Variants in RDX observed in about 807,000 individuals in gnomAD.
RDX encodes deafness, autosomal recessive 24.
A neutral mutation model predicts 83.7 loss-of-function variants in RDX; 32 were observed. The observed-to-expected ratio is 0.38, with a 90% CI of 0.29 to 0.51. RDX has a LOEUF of 0.51. Among genes scored for constraint, RDX ranks in the 20% least tolerant of loss-of-function variants. RDX has a pLI of 0.87. For synonymous variants in RDX, 229 were observed against 222.7 expected (o/e 1.03, Z -0.25); for missense variants, 600 against 689.9 (o/e 0.87, Z 1.46).
At chr11:110,237,221 A>G (rs1864891940) in intron 11 of RDX, among the ~76,000 whole-genome samples, 1 of 151,838 alleles carries the variant, frequency 6.6e-6, no homozygotes, top group African/African-American at 2.4e-5. Flanking sequence ...GAACCTGTCC[A>G]ATGTCAAAGT....
intron 5 of RDX, among the ~76,000 whole-genome samples, chr11:110,258,864 A>ATTT (rs1859669626): frequency 8.3e-6 from 1 of 120,684 alleles, no homozygotes. Flanking sequence ...GAGCAAATAC[A>ATTT]TTCTTTTTTT....
At chr11:110,213,277 T>G (rs1179843139) in intron 14 of RDX, among the ~76,000 whole-genome samples, 7 of 134,776 alleles carry the variant, frequency 5.2e-5, no homozygotes, top group Non-Finnish European at 1.1e-4. Context: ...GAATCCAACT[T>G]ACAAGGGATG....
At chr11:110,270,337 C>G (rs1860253361) in intron 3 of RDX, among the ~76,000 whole-genome samples, 1 of 151,928 alleles carries the variant, frequency 6.6e-6, no homozygotes, top group Non-Finnish European at 1.5e-5. Context: ...GTAGGCAACT[C>G]TAACACAACT....
At chr11:110,224,482 A>G (rs1864368214), downstream of RDX, among the ~76,000 whole-genome samples, 1 of 152,222 alleles carries the variant, frequency 6.6e-6, no homozygotes. Context: ...ATGCTCTGAA[A>G]AAGGACAATC....
chr11:110,226,388 T>C (rs971605665), downstream of RDX, among the ~76,000 whole-genome samples: 3 of 152,090 alleles, frequency 2.0e-5, no homozygotes, highest in Non-Finnish European at 4.4e-5. Flanking sequence ...AGGACAAATA[T>C]TGTATGAGTT....
At chr11:110,286,453 T>C (rs560845585) in intron 1 of RDX, among the ~76,000 whole-genome samples, 1 of 152,182 alleles carries the variant, frequency 6.6e-6, no homozygotes, top group Non-Finnish European at 1.5e-5. Context: ...AATGGAAAAA[T>C]AGCCTCATGC....
intron 14 of RDX, among the ~76,000 whole-genome samples, chr11:110,211,807 C>A (rs997770946): frequency 2.1e-4 from 32 of 151,884 alleles, no homozygotes; most frequent in South Asian, 4.2e-4. Context: ...ACACAACATA[C>A]CAGAATCTGT....
intron 1 of RDX, chr11:110,287,013 T>C (rs1425701940): frequency 2.0e-5 from 3 of 152,210 alleles, no homozygotes; most frequent in African/African-American, 4.8e-5. Flanking sequence ...GAGTAATATA[T>C]ATGCTTTTTT....
At chr11:110,295,642 G>GAAAAAAAAAAA (rs370760081) in intron 1 of RDX, among the ~76,000 whole-genome samples, 3 of 122,254 alleles carry the variant, frequency 2.5e-5, no homozygotes, top group Non-Finnish European at 3.3e-5. Flanking sequence ...TGTTTAAACT[G>GAAAAAAAAAAA]AAAAAAAAAA....
intron 5 of RDX, among the ~76,000 whole-genome samples, chr11:110,258,778 T>C (rs1859665171): frequency 6.6e-6 from 1 of 152,036 alleles, no homozygotes; most frequent in African/African-American, 2.4e-5. Context: ...AAAAGTAGAG[T>C]GAAAAGTCAT....
chr11:110,294,337 T>C (rs1861358937), intron 1 of RDX, among the ~76,000 whole-genome samples: 1 of 152,212 alleles, frequency 6.6e-6, no homozygotes, highest in African/African-American at 2.4e-5. Flanking sequence ...GGAGGTGCAG[T>C]GAGCCAAGAT....
intron 15 of RDX, among the ~76,000 whole-genome samples, chr11:110,194,366 C>T (rs766492778): frequency 2.0e-4 from 31 of 152,172 alleles, no homozygotes; most frequent in Non-Finnish European, 2.8e-4. Flanking sequence ...ACTACAGGCA[C>T]CTGCCACCAC....
chr11:110,176,807 G>A lies in RDX; in HGVS notation c.*32-1573C>T, dbSNP rs190848779. ...GTGCTCCTTGAACTCCTAAGGAGCC[G>A]AAGGTGGTGGGTGCGTCCCCTAACT... On this transcript the variant is annotated intron_variant, in intron 15 of 15. Coordinates refer to the RDX transcript ENST00000528498. Among the ~76,000 whole-genome samples the A allele has an allele frequency of 8.5e-5, 13 of 152,286 alleles. No individual in the cohort carries two copies. In the East Asian group the frequency reaches 1.7e-3, roughly 20 times the overall value.
At chr11:110,293,950 G>A (rs183644874) in intron 1 of RDX, among the ~76,000 whole-genome samples, 1 of 152,118 alleles carries the variant, frequency 6.6e-6, no homozygotes, top group African/African-American at 2.4e-5. Flanking sequence ...AAAAATGGAT[G>A]AAAAAACAAG....
intron 3 of RDX, among the ~76,000 whole-genome samples, chr11:110,270,628 A>G (rs1860265237): frequency 6.6e-6 from 1 of 152,244 alleles, no homozygotes; most frequent in Non-Finnish European, 1.5e-5. Context: ...AACGAGAAAA[A>G]TAAGACAAAG....
chr11:110,291,963 T>A (rs946818846), intron 1 of RDX, among the ~76,000 whole-genome samples: 2 of 151,050 alleles, frequency 1.3e-5, no homozygotes, highest in African/African-American at 4.9e-5. Flanking sequence ...CTGGGCAACA[T>A]AGGGATACCC....
intron 1 of RDX, among the ~76,000 whole-genome samples, chr11:110,286,723 G>A (rs1169231663): frequency 1.3e-5 from 2 of 152,128 alleles, no homozygotes; most frequent in African/African-American, 2.4e-5. Context: ...TATTCCAAGA[G>A]AACTCATCTG....
chr11:110,209,798 TAACA>T (rs1254617885), intron 14 of RDX, among the ~76,000 whole-genome samples: 1 of 143,886 alleles, frequency 6.9e-6, no homozygotes, highest in Non-Finnish European at 1.5e-5. Flanking sequence ...GAAGGAAAAC[TAACA>T]AACAGAAAGG....
intron 9 of RDX, among the ~76,000 whole-genome samples, chr11:110,249,825 G>C (rs1859254915): frequency 6.6e-6 from 1 of 152,156 alleles, no homozygotes; most frequent in Non-Finnish European, 1.5e-5. Context: ...AGTTAGCTAT[G>C]ATCGTGCCAC....
Sources: allele counts gnomAD v4.1 joint callset (sites outside exome capture counted in the v4.1 genomes callset), GRCh38; gene constraint gnomAD v4.1.1; transcripts MANE v1.5; gene names NCBI Gene and HGNC (gene_info 2026-07-23, HGNC 2026-07-21).